The following CTNNA3 variants were observed in gnomAD, a reference collection of about 807,000 sequenced individuals.
The protein encoded by CTNNA3 is catenin alpha-3.
In CTNNA3, 76 loss-of-function variants were observed where a neutral mutation model predicts 95.7. That is an observed-to-expected ratio of 0.79 (90% CI 0.66 to 0.96). The LOEUF (loss-of-function observed/expected upper bound fraction) is 0.96. CTNNA3 is among the 40% of genes least tolerant of loss of function. CTNNA3 has a pLI of 0.00. For missense variants in CTNNA3, 1,191 were observed against 1,089.8 expected, an observed-to-expected ratio of 1.09 and a Z score of -1.31; for synonymous variants, 431 against 374.4, an observed-to-expected ratio of 1.15 and a Z score of -1.74.
intron 9 of CTNNA3, among the ~76,000 whole-genome samples, chr10:66,700,630 C>A (rs1433602151): frequency 1.3e-5 from 2 of 152,138 alleles, no homozygotes; most frequent in Non-Finnish European, 2.9e-5. Context: ...TGTAATTCCA[C>A]ATTAATTTTA....
At chr10:66,843,959 C>A (rs1843160124) in intron 7 of CTNNA3, among the ~76,000 whole-genome samples, 1 of 152,064 alleles carries the variant, frequency 6.6e-6, no homozygotes, top group Admixed American at 6.6e-5. Flanking sequence ...TAATTGATGC[C>A]CAATAGGGCA....
At chr10:66,758,380 C>G (rs1839458856) in intron 9 of CTNNA3, among the ~76,000 whole-genome samples, 1 of 151,904 alleles carries the variant, frequency 6.6e-6, no homozygotes, top group Non-Finnish European at 1.5e-5. Flanking sequence ...ATATATAAGC[C>G]CTAAAGAGCA....
At chr10:67,506,533 A>G (rs1012521849) in intron 5 of CTNNA3, among the ~76,000 whole-genome samples, 10 of 152,206 alleles carry the variant, frequency 6.6e-5, no homozygotes, top group African/African-American at 2.2e-4. Flanking sequence ...AACATCTACA[A>G]AAGGCTGCAT....
At chr10:66,426,019 AC>A (rs2093237617) in intron 11 of CTNNA3, among the ~76,000 whole-genome samples, 1 of 151,926 alleles carries the variant, frequency 6.6e-6, no homozygotes, top group Non-Finnish European at 1.5e-5. Context: ...TTTTTATTCA[AC>A]CCATTATGTT....
intron 16 of CTNNA3, among the ~76,000 whole-genome samples, chr10:65,980,592 A>C (rs1172617881): frequency 2.6e-5 from 4 of 151,914 alleles, no homozygotes; most frequent in Non-Finnish European, 5.9e-5. Context: ...AAAAATCCCC[A>C]ACAAAATTCT....
intron 1 of CTNNA3, among the ~76,000 whole-genome samples, chr10:67,715,296 T>C (rs1841136104): frequency 6.6e-6 from 1 of 152,192 alleles, no homozygotes; most frequent in Non-Finnish European, 1.5e-5. Context: ...ATAGTTCATA[T>C]TGCATTTTAC....
chr10:66,899,632 C>T (rs916633007), intron 7 of CTNNA3, among the ~76,000 whole-genome samples: 5 of 152,120 alleles, frequency 3.3e-5, no homozygotes, highest in African/African-American at 2.4e-5. Flanking sequence ...CCGGGAAAAA[C>T]GGTACACTTC....
At chr10:67,414,075 T>C (rs1275258855) in intron 5 of CTNNA3, among the ~76,000 whole-genome samples, 5 of 151,552 alleles carry the variant, frequency 3.3e-5, no homozygotes, top group African/African-American at 7.3e-5. Context: ...AGAAAAGAAA[T>C]AACTAAAATT....
chr10:66,233,584 T>C (rs1387670942), intron 13 of CTNNA3, among the ~76,000 whole-genome samples: 3 of 152,164 alleles, frequency 2.0e-5, no homozygotes, highest in African/African-American at 7.2e-5. Flanking sequence ...TCCATATTTA[T>C]CAAGAAAATG....
chr10:67,304,561 G>A (rs1232343307), intron 5 of CTNNA3, among the ~76,000 whole-genome samples: 1 of 152,032 alleles, frequency 6.6e-6, no homozygotes, highest in Non-Finnish European at 1.5e-5. Context: ...GGCTTTCTCT[G>A]AAATGAAAGA....
intron 13 of CTNNA3, among the ~76,000 whole-genome samples, chr10:66,179,698 A>G (rs1363103967): frequency 3.3e-5 from 5 of 152,046 alleles, no homozygotes; most frequent in African/African-American, 1.2e-4. Flanking sequence ...TCCATTTTTC[A>G]TTTAAATTTT....
chr10:66,589,928 TA>T (rs1242378749), intron 10 of CTNNA3, among the ~76,000 whole-genome samples: 11 of 152,068 alleles, frequency 7.2e-5, no homozygotes, highest in Non-Finnish European at 1.6e-4. Flanking sequence ...TTAACTGTGT[TA>T]TTTTTTTAAC....
At chr10:65,940,400 A>G (rs946324611) in intron 17 of CTNNA3, among the ~76,000 whole-genome samples, 2 of 152,188 alleles carry the variant, frequency 1.3e-5, no homozygotes, top group African/African-American at 4.8e-5. Flanking sequence ...CTCCAACATA[A>G]CAGAAAACAG....
chr10:66,930,375 T>C (rs1259517466), intron 7 of CTNNA3, among the ~76,000 whole-genome samples: 2 of 152,204 alleles, frequency 1.3e-5, no homozygotes, highest in Non-Finnish European at 2.9e-5. Context: ...ACTGGATGAC[T>C]GAGCTTATTG....
intron 10 of CTNNA3, among the ~76,000 whole-genome samples, chr10:66,587,607 G>T (rs1843403742): frequency 6.6e-6 from 1 of 152,118 alleles, no homozygotes; most frequent in South Asian, 2.1e-4. Context: ...GGCTACTGGG[G>T]TAATATTTCA....
chr10:66,946,936 T>A (rs1204054199), intron 7 of CTNNA3, among the ~76,000 whole-genome samples: 1 of 152,108 alleles, frequency 6.6e-6, no homozygotes, highest in Non-Finnish European at 1.5e-5. Context: ...CGCTGGTAAA[T>A]CTTAATCTTA....
In CTNNA3 at chr10:66,045,303, G is replaced by A. The variant is rs146784160; in HGVS notation, c.2159+24005C>T. On this transcript the variant is annotated intron_variant, in intron 15 of 17. Coordinates refer to ENST00000433211, the MANE Select transcript of CTNNA3 (RefSeq NM_013266.4). The stretch of plus-strand genomic sequence containing the variant: ...ACATTTGCTTCCAATAGACACTCCT[G>A]CCACAGTGCTAGGTTTTATCTACCT... Among the ~76,000 whole-genome samples the A allele has an allele frequency of 1.5e-3, 223 of 152,242 alleles. 2 individuals carry two copies. Among genetic ancestry groups the A allele is most frequent in the African/African-American group, 4.9e-3 (204 of 41,530 alleles).
Position 66,420,755 on chromosome 10 carries a change from T to C in CTNNA3, c.1532-41403A>G, listed in dbSNP as rs181875493. 9.2e-3 allele frequency among the ~76,000 whole-genome samples: 1,400 copies of C among 151,668 alleles called. 31 individuals carry two copies. The highest frequency in any genetic ancestry group is 0.032 in the African/African-American group (1,329 of 41,272). Reference sequence around the variant, plus strand: ...CAGAGGTTGCAGTGAGCCAAGATCATGCCACTGCACTCCAGCCTGGGTGAC... The same window carrying C: ...CAGAGGTTGCAGTGAGCCAAGATCACGCCACTGCACTCCAGCCTGGGTGAC... On this transcript the variant is annotated intron_variant, in intron 11 of 17. Transcript: ENST00000433211.
intron 5 of CTNNA3, among the ~76,000 whole-genome samples, chr10:67,493,541 G>C (rs555792952): frequency 6.9e-6 from 1 of 144,178 alleles, no homozygotes; most frequent in Non-Finnish European, 1.5e-5. Context: ...CAGGCTGGGT[G>C]ACAGAGCGAG....
Sources: allele counts gnomAD v4.1 joint callset (sites outside exome capture counted in the v4.1 genomes callset), GRCh38; gene constraint gnomAD v4.1.1; transcripts MANE v1.5; gene names NCBI Gene and HGNC (gene_info 2026-07-23, HGNC 2026-07-21).